The following MAP3K10 variants were observed in gnomAD, a reference collection of about 807,000 sequenced individuals.
MAP3K10 encodes the protein MKN28 derived nonreceptor_type serine/threonine kinase.
MAP3K10 carries 22 observed loss-of-function variants against 75.0 expected under a neutral mutation model. That is an observed-to-expected ratio of 0.29 (90% CI 0.21 to 0.42). The LOEUF (loss-of-function observed/expected upper bound fraction) is 0.42. Ranked by LOEUF, MAP3K10 falls within the 10% of genes least tolerant of loss-of-function variation. The probability of loss-of-function intolerance (pLI) is 1.00; values close to 1 mark genes in which losing one functional copy is unlikely to be tolerated. For missense variants in MAP3K10, 1,165 were observed against 1,379.8 expected, an observed-to-expected ratio of 0.84 and a Z score of 2.47; for synonymous variants, 599 against 612.9, an observed-to-expected ratio of 0.98 and a Z score of 0.34.
chr19:40,204,922 G>T lies in MAP3K10; in HGVS notation c.1013-199G>T, dbSNP rs1973089070. ...CTACCAGCCCCTCCTCGGGGTGCAG[G>T]TCCCAGGGTTTCTCTCCCAGCGTTT... On this transcript the variant is annotated intron_variant, in intron 3 of 9. Transcript: ENST00000253055. This position sits in a 1 kb window ranked among gnomAD's most constrained non-coding sequence, Gnocchi z 4.3. 3.2e-6 allele frequency: 2 copies of T among 634,626 alleles called. No homozygotes were observed. The highest frequency in any genetic ancestry group is 2.7e-6 in the Non-Finnish European group (1 of 364,640). 39.3% of individuals were successfully genotyped at this position (634,626 alleles called of 1,614,324 possible).
At position 40,214,201 on chromosome 19, in the gene MAP3K10, A is replaced by G. The variant is rs560232581; in HGVS notation, c.2522A>G (p.Glu841Gly). 23 of 1,432,290 alleles carry G rather than the reference A, an allele frequency of 1.6e-5. No individual in the cohort carries two copies. The African/African-American group carries it at 3.3e-4, about 21-fold the overall frequency. The allele number at this position is 1,432,290 out of a possible 1,614,324, so 88.7% of individuals were successfully genotyped here. A position where few individuals can be genotyped will look rare whatever the true frequency, so the allele number is the denominator to read the frequency against. ...DGALGQRGPP[E>G]PAGHGPGPRD... ...GCGCTGGGGCAGCGGGGGCCGCCCG[A>G]GCCCGCGGGCCATGGCCCTGGTGAG... is the stretch of plus-strand genomic sequence containing the variant. The change falls in exon 9 of 10, where the codon GAG (glutamate) becomes GGG (glycine). Residue 841 changes from glutamate to glycine, a missense_variant. Physicochemically the swap from Glu to Gly is moderately conservative, Grantham distance 98. Coordinates refer to ENST00000253055, the MANE Select transcript of MAP3K10 (RefSeq NM_002446.4).
At position 40,192,219 on chromosome 19, in the gene MAP3K10, T is replaced by C; in HGVS notation, c.188T>C (p.Leu63Pro). 2 of 1,606,472 alleles carry C rather than the reference T, an allele frequency of 1.2e-6. No homozygotes were observed. The highest frequency in any genetic ancestry group is 1.7e-6 in the Non-Finnish European group (2 of 1,177,986). ...SGDEGWWTGQLPSGRVGVFPS... is the reference protein window; with the variant it reads ...SGDEGWWTGQPPSGRVGVFPS... ...GACGAGGGCTGGTGGACCGGGCAGC[T>C]CCCCAGCGGCCGCGTGGGCGTCTTC... The change falls in exon 1 of 10, where the codon CTC becomes CCC. Residue 63 changes from leucine (L) to proline (P), a missense_variant. This residue lies in a region of MAP3K10 where 575 missense variants were observed against 793.2 expected (regional missense o/e 0.72). Transcript: ENST00000253055. The surrounding 1 kb of genome is among the most constrained non-coding windows in gnomAD (Gnocchi z 7.1).
chr19:40,200,079 G>A (rs1972988835), intron 2 of MAP3K10, among the ~76,000 whole-genome samples: 1 of 152,136 alleles, frequency 6.6e-6, no homozygotes, highest in Non-Finnish European at 1.5e-5. Flanking sequence ...TGGTTCACTT[G>A]AGGCCAGGAG....
intron 5 of MAP3K10, among the ~76,000 whole-genome samples, chr19:40,208,236 A>G (rs1973159007): frequency 6.7e-6 from 1 of 149,648 alleles, no homozygotes; most frequent in South Asian, 2.2e-4. Context: ...CAGTGGCATG[A>G]TCTCGGCTCA....
Position 40,213,823 on chromosome 19 carries a change from G to A in MAP3K10, c.2144G>A (p.Gly715Asp), listed in dbSNP as rs1973290205. Reference protein sequence around the residue: ...WLDGLFFPRAGRFPRGLSPPA... With the variant: ...WLDGLFFPRADRFPRGLSPPA... ...GACGGCCTCTTCTTTCCCCGCGCCG[G>A]CCGCTTCCCGCGGGGCCTCAGCCCA... The change falls in exon 9 of 10, where the codon GGC becomes GAC. Residue 715 changes from glycine to aspartate, a missense_variant. Transcript: ENST00000253055. This position sits in a 1 kb window ranked among gnomAD's most constrained non-coding sequence, Gnocchi z 5.7. 3.8e-6 allele frequency: 5 copies of A among 1,310,966 alleles called. No individual in the cohort carries two copies. The African/African-American group carries it at 6.4e-5, about 17-fold the overall frequency. The allele number at this position is 1,310,966 out of a possible 1,614,324, so 81.2% of individuals were successfully genotyped here.
chr19:40,208,108 A>G (rs1189150497), intron 5 of MAP3K10, among the ~76,000 whole-genome samples: 1 of 152,104 alleles, frequency 6.6e-6, no homozygotes, highest in Non-Finnish European at 1.5e-5. Context: ...AGTTGCTCCA[A>G]ACATGCTTAA....
rs2145062391 is a variant in MAP3K10 at position 40,191,740 on chromosome 19, G to C, written c.-292G>C. ...CCGGCGGACCCCGGCGGGCATTCGAGAGCCGCGCGGCCAGGCCCTCTTAGC... is the reference window on the plus strand; with the variant it reads ...CCGGCGGACCCCGGCGGGCATTCGACAGCCGCGCGGCCAGGCCCTCTTAGC... On this transcript the variant is annotated 5_prime_UTR_variant, in exon 1 of 10. Coordinates refer to ENST00000253055, the MANE Select transcript of MAP3K10 (RefSeq NM_002446.4). The C allele has an allele frequency of 3.2e-6, 1 of 308,926 alleles. No individual in the cohort carries two copies. The highest frequency in any genetic ancestry group is 2.1e-5 in the African/African-American group (1 of 46,576). 19.1% of individuals were successfully genotyped at this position (308,926 alleles called of 1,614,324 possible). A position where few individuals can be genotyped will look rare whatever the true frequency, so the allele number is the denominator to read the frequency against.
chr19:40,206,430 G>C lies in MAP3K10; in HGVS notation c.1435+273G>C, dbSNP rs1973124486. On this transcript the variant is annotated intron_variant, in intron 5 of 9. Transcript: ENST00000253055. ...AAAAAAAAAAAATTTTTTTTAATTA[G>C]CTGGCCACGTTGGCATGCACTTATA... 2.0e-5 allele frequency: 6 copies of C among 305,846 alleles called. No individual in the cohort carries two copies. The South Asian group carries it at 6.0e-4, about 31-fold the overall frequency. 18.9% of individuals were successfully genotyped at this position (305,846 alleles called of 1,614,324 possible).
intron 1 of MAP3K10, among the ~76,000 whole-genome samples, chr19:40,195,132 T>C (rs1291685964): frequency 6.6e-6 from 1 of 151,768 alleles, no homozygotes; most frequent in Non-Finnish European, 1.5e-5. Flanking sequence ...TGGGAGGAAG[T>C]AGGATCAGAA....
chr19:40,208,877 C>T (rs112810548), intron 5 of MAP3K10, among the ~76,000 whole-genome samples: 4 of 152,188 alleles, frequency 2.6e-5, no homozygotes, highest in Admixed American at 1.3e-4. Flanking sequence ...GAGCCTCACC[C>T]CAACTTGCTG....
chr19:40,201,677 C>G (rs1973024968), intron 2 of MAP3K10, among the ~76,000 whole-genome samples: 1 of 151,526 alleles, frequency 6.6e-6, no homozygotes, highest in Admixed American at 6.6e-5. Flanking sequence ...GAGACGAGGT[C>G]TCACTTTGTT....
chr19:40,211,708 C>G (rs992641371), intron 6 of MAP3K10, among the ~76,000 whole-genome samples: 1 of 152,042 alleles, frequency 6.6e-6, no homozygotes, highest in Admixed American at 6.6e-5. Flanking sequence ...GACATGATCT[C>G]GTTCCTTTTT....
intron 2 of MAP3K10, among the ~76,000 whole-genome samples, chr19:40,201,795 T>C (rs1391397961): frequency 2.1e-5 from 2 of 96,766 alleles, no homozygotes; most frequent in Non-Finnish European, 4.2e-5. Context: ...ACACGCCAGC[T>C]TTTTTTTTTT....
In MAP3K10 at chr19:40,204,475, C is replaced by T. The variant is rs774513338; in HGVS notation, c.864-10C>T. On this transcript the variant is annotated splice_polypyrimidine_tract_variant and intron_variant, in intron 2 of 9. Transcript: ENST00000253055. The surrounding 1 kb of genome is among the most constrained non-coding windows in gnomAD (Gnocchi z 4.3). ...CTGCGACATCACCCCTCCCTCTCCC[C>T]TGCCTGCAGCTTCGGGGTGCTGCTG... The T allele has an allele frequency of 1.2e-6, 2 of 1,611,082 alleles. No individual in the cohort carries two copies. Among genetic ancestry groups the T allele is most frequent in the Non-Finnish European group, 1.7e-6 (2 of 1,179,066 alleles).
At position 40,204,579 on chromosome 19, in the gene MAP3K10, C is replaced by T. The variant is rs997309089; in HGVS notation, c.958C>T (p.Leu320=). Residue 320 remains leucine, a synonymous_variant, in exon 3 of 10, where the codon CTG becomes TTG. Transcript: ENST00000253055. The surrounding 1 kb of genome is among the most constrained non-coding windows in gnomAD (Gnocchi z 4.3). ...GGCGTATGGCGTGGCTATGAATAAG[C>T]TGACGCTGCCCATTCCCTCCACGTG... ...AVAYGVAMNK[L]TLPIPSTCPE... 20 of 1,613,902 alleles carry T rather than the reference C, an allele frequency of 1.2e-5. No individual in the cohort carries two copies. Among genetic ancestry groups the T allele is most frequent in the Non-Finnish European group, 1.6e-5 (19 of 1,179,974 alleles).
intron 2 of MAP3K10, among the ~76,000 whole-genome samples, chr19:40,203,998 G>T (rs138418725): frequency 6.6e-6 from 1 of 152,160 alleles, no homozygotes; most frequent in Admixed American, 6.5e-5. Flanking sequence ...ATGAAGTTGG[G>T]GTTAGAATGG....
In MAP3K10 at chr19:40,213,323, C is replaced by G; in HGVS notation, c.1837+135C>G. 6.9e-7 allele frequency: 1 copy of G among 1,452,302 alleles called. No individual in the cohort carries two copies. Among genetic ancestry groups the G allele is most frequent in the Middle Eastern group, 2.1e-4 (1 of 4,706 alleles). The allele number at this position is 1,452,302 out of a possible 1,614,324, so 90.0% of individuals were successfully genotyped here. On this transcript the variant is annotated intron_variant, in intron 8 of 9. Coordinates refer to ENST00000253055, the MANE Select transcript of MAP3K10 (RefSeq NM_002446.4). The surrounding 1 kb of genome is among the most constrained non-coding windows in gnomAD (Gnocchi z 5.7). ...TTCCTGGGAAGGGAGATGGTGGCCC[C>G]TGGGGCGTGGGGGGTCATTTCCAGG...
At chr19:40,197,508 T>G (rs1186113713) in intron 1 of MAP3K10, among the ~76,000 whole-genome samples, 1 of 152,076 alleles carries the variant, frequency 6.6e-6, no homozygotes, top group Non-Finnish European at 1.5e-5. Context: ...GTATTTTTAG[T>G]AGAGATGAGG....
chr19:40,210,598 G>T (rs1388481988), intron 6 of MAP3K10, among the ~76,000 whole-genome samples: 1 of 152,030 alleles, frequency 6.6e-6, no homozygotes, highest in Non-Finnish European at 1.5e-5. Context: ...CTACTCGGGA[G>T]ACTGAGGCAG....
Sources: gnomAD v4.1 joint callset for allele counts (sites outside exome capture counted in the v4.1 genomes callset) on GRCh38, gnomAD v4.1.1 for gene constraint, gnomAD v4.1.1 regional missense constraint, Gnocchi (gnomAD v3.1) non-coding constraint, MANE v1.5 for transcripts, NCBI Gene and HGNC (gene_info 2026-07-23, HGNC 2026-07-21) for gene names.